MYL9: variants seen among roughly 807,000 people sequenced by gnomAD.
MYL9 encodes myosin light chain 9, also known as myosin regulatory light polypeptide 9.
MYL9 carries 7 observed loss-of-function variants against 12.8 expected under a neutral mutation model. That is an observed-to-expected ratio of 0.55 (90% confidence interval 0.31 to 1.03). The LOEUF is 1.03. MYL9 is among the 50% of genes least tolerant of loss of function. The probability of loss-of-function intolerance (pLI) is 0.05; values close to 1 mark genes in which losing one functional copy is unlikely to be tolerated. For missense variants in MYL9, 190 were observed against 242.7 expected, an observed-to-expected ratio of 0.78 and a Z score of 1.44; for synonymous variants, 81 against 87.8, an observed-to-expected ratio of 0.92 and a Z score of 0.43.
At position 36,544,897 on chromosome 20, in the gene MYL9, C is replaced by A; in HGVS notation, c.13C>A (p.Arg5=). 6.2e-7 allele frequency: 1 copy of A among 1,612,278 alleles called. No homozygotes were observed. The highest frequency in any genetic ancestry group is 8.5e-7 in the Non-Finnish European group (1 of 1,179,068). ...ACCAGAAGCCAAGATGTCCAGCAAG[C>A]GGGCCAAAGCCAAGACCACCAAGAA... The part of the protein sequence containing the change: MSSK[R]AKAKTTKKRP... Residue 5 remains arginine (R), a synonymous_variant, in exon 2 of 4, where the codon CGG becomes AGG. Transcript: ENST00000279022.
intron 2 of MYL9, among the ~76,000 whole-genome samples, chr20:36,546,184 C>T (rs2038097982): frequency 1.3e-5 from 2 of 152,244 alleles, no homozygotes; most frequent in Non-Finnish European, 2.9e-5. Context: ...GGCAAGGCCT[C>T]CACAGACCAT....
chr20:36,545,496 CA>C (rs577748904), intron 2 of MYL9, among the ~76,000 whole-genome samples: 873 of 75,330 alleles, frequency 0.012, 5 homozygotes, highest in African/African-American at 0.025. Context: ...GACTCCATCT[CA>C]AAAAAAAAAA....
chr20:36,543,134 C>G (rs1968063899), intron 1 of MYL9, among the ~76,000 whole-genome samples: 1 of 152,186 alleles, frequency 6.6e-6, no homozygotes, highest in Admixed American at 6.5e-5. Context: ...CATCTGGGGA[C>G]AATGGCACTC....
chr20:36,541,913 G>A (rs923215330), intron 1 of MYL9, among the ~76,000 whole-genome samples: 1 of 152,124 alleles, frequency 6.6e-6, no homozygotes, highest in East Asian at 1.9e-4. Context: ...CGGGTACAAG[G>A]GTGCTGGGGA....
In MYL9 at chr20:36,550,474, G is replaced by A. The variant is rs1344421758; in HGVS notation, c.*1225G>A. The A allele has an allele frequency of 6.6e-6, 1 of 152,364 alleles. No homozygotes were observed. The highest frequency in any genetic ancestry group is 1.5e-5 in the Non-Finnish European group (1 of 68,228). 9.4% of individuals were successfully genotyped at this position (152,364 alleles called of 1,614,324 possible). A position where few individuals can be genotyped will look rare whatever the true frequency, so the allele number is the denominator to read the frequency against. On this transcript the variant is annotated 3_prime_UTR_variant, in exon 4 of 4. Transcript: ENST00000279022. The stretch of plus-strand genomic sequence containing the variant: ...TGAGCAGAGAGTCCAGAGGGGCATG[G>A]ACTGCCTGGGTCACCCAATAGGCCT...
intron 1 of MYL9, among the ~76,000 whole-genome samples, chr20:36,544,290 A>C (rs1600745007): frequency 6.6e-6 from 1 of 152,154 alleles, no homozygotes; most frequent in East Asian, 1.9e-4. Context: ...CTAGAACCTC[A>C]GGCGGGCAGC....
chr20:36,545,428 C>T (rs1357721493), intron 2 of MYL9, among the ~76,000 whole-genome samples: 1 of 147,264 alleles, frequency 6.8e-6, no homozygotes, highest in Non-Finnish European at 1.5e-5. Flanking sequence ...ACCCGGAAAG[C>T]GGAGGTTGCA....
chr20:36,549,674 C>T lies in MYL9; in HGVS notation c.*425C>T, dbSNP rs1045348. The T allele has an allele frequency of 5.5e-6, 1 of 180,688 alleles. No individual in the cohort carries two copies. The highest frequency in any genetic ancestry group is 1.2e-5 in the Non-Finnish European group (1 of 84,518). 11.2% of individuals were successfully genotyped at this position (180,688 alleles called of 1,614,324 possible). A position where few individuals can be genotyped will look rare whatever the true frequency, so the allele number is the denominator to read the frequency against. On this transcript the variant is annotated 3_prime_UTR_variant, in exon 4 of 4. Coordinates refer to ENST00000279022, the MANE Select transcript of MYL9 (RefSeq NM_006097.5). ...AAATGCAAGCTCACCAAGGTCCCCT[C>T]TCAGTCCCCTTCCCTACACCCTGAC...
Position 36,548,202 on chromosome 20 carries a change from C to CG in MYL9, c.346+10dup. On this transcript the variant is annotated intron_variant, in intron 3 of 3. Coordinates refer to ENST00000279022, the MANE Select transcript of MYL9 (RefSeq NM_006097.5). ...CGACGAGGAAGCCTCAGGTCCGTGGCGCCCCCTACCACCACTCTGCATGCA... is the reference window on the plus strand; with the variant it reads ...CGACGAGGAAGCCTCAGGTCCGTGGCGGCCCCCTACCACCACTCTGCATGCA... 1 of 1,598,774 alleles carries CG rather than the reference C, an allele frequency of 6.3e-7. No homozygotes were observed. The highest frequency in any genetic ancestry group is 8.5e-7 in the Non-Finnish European group (1 of 1,170,734).
intron 2 of MYL9, among the ~76,000 whole-genome samples, chr20:36,546,771 G>A (rs185688107): frequency 5.8e-4 from 89 of 152,224 alleles, no homozygotes; most frequent in African/African-American, 1.7e-3. Flanking sequence ...CACCATGCCC[G>A]GCTAATTTTT....
At chr20:36,541,681 G>C (rs754083672) in intron 1 of MYL9, 120 bp downstream of exon 1, 1 of 152,592 alleles carries the variant, frequency 6.6e-6, no homozygotes, top group South Asian at 2.1e-4. Context: ...CACGGACTGG[G>C]ACGTGGTAGG....
chr20:36,548,027 C>A lies in MYL9; in HGVS notation c.185-5C>A. 6.2e-7 allele frequency: 1 copy of A among 1,600,738 alleles called. No homozygotes were observed. The highest frequency in any genetic ancestry group is 2.2e-5 in the East Asian group (1 of 44,572). Reference sequence around the variant, plus strand: ...CCACAGGCTGGAACACCCCACCTGCCACAGGGAAGAACCCCACAGACGAAT... The same window carrying A: ...CCACAGGCTGGAACACCCCACCTGCAACAGGGAAGAACCCCACAGACGAAT... On this transcript the variant is annotated splice_region_variant and splice_polypyrimidine_tract_variant and intron_variant, in intron 2 of 3. Coordinates refer to ENST00000279022, the MANE Select transcript of MYL9 (RefSeq NM_006097.5).
Position 36,548,018 on chromosome 20 carries a change from C to T in MYL9, c.185-14C>T. On this transcript the variant is annotated splice_polypyrimidine_tract_variant and intron_variant, in intron 2 of 3. Coordinates refer to ENST00000279022, the MANE Select transcript of MYL9 (RefSeq NM_006097.5). The stretch of plus-strand genomic sequence containing the variant: ...GGCCCAGGACCACAGGCTGGAACAC[C>T]CCACCTGCCACAGGGAAGAACCCCA... 2 of 1,595,222 alleles carry T rather than the reference C, an allele frequency of 1.3e-6. No individual in the cohort carries two copies. The highest frequency in any genetic ancestry group is 1.7e-6 in the Non-Finnish European group (2 of 1,168,600).
At position 36,549,313 on chromosome 20, in the gene MYL9, T is replaced by C. The variant is rs1259482022; in HGVS notation, c.*64T>C. The C allele has an allele frequency of 8.0e-6, 10 of 1,244,686 alleles. No individual in the cohort carries two copies. In the East Asian group the frequency reaches 2.9e-4, roughly 36 times the overall value. 77.1% of individuals were successfully genotyped at this position (1,244,686 alleles called of 1,614,324 possible). A position where few individuals can be genotyped will look rare whatever the true frequency, so the allele number is the denominator to read the frequency against. Reference sequence around the variant, plus strand: ...ACCCCTCCCCGCACACACCCGTCCATACCAGCTCCCTGCCCATGACCCTCG... The same window carrying C: ...ACCCCTCCCCGCACACACCCGTCCACACCAGCTCCCTGCCCATGACCCTCG... On this transcript the variant is annotated 3_prime_UTR_variant, in exon 4 of 4. Coordinates refer to ENST00000279022, the MANE Select transcript of MYL9 (RefSeq NM_006097.5).
chr20:36,543,152 G>A (rs539228607), intron 1 of MYL9, among the ~76,000 whole-genome samples: 6 of 152,216 alleles, frequency 3.9e-5, no homozygotes, highest in African/African-American at 1.2e-4. Context: ...CTCCCAACTA[G>A]GTCATGGGTG....
In MYL9 at chr20:36,548,053, A is replaced by T. The variant is rs1437034604; in HGVS notation, c.206A>T (p.Tyr69Phe). The T allele has an allele frequency of 6.2e-7, 1 of 1,612,244 alleles. No homozygotes were observed. The highest frequency in any genetic ancestry group is 8.5e-7 in the Non-Finnish European group (1 of 1,178,988). ...ASLGKNPTDE[Y>F]LEGMMSEAPG... is the part of the protein sequence containing the mutation. Reference sequence around the variant, plus strand: ...ACAGGGAAGAACCCCACAGACGAATACCTGGAGGGCATGATGAGCGAGGCC... The same window carrying T: ...ACAGGGAAGAACCCCACAGACGAATTCCTGGAGGGCATGATGAGCGAGGCC... Residue 69 changes from tyrosine to phenylalanine, a missense_variant, in exon 3 of 4, where the codon TAC becomes TTC. Coordinates refer to ENST00000279022, the MANE Select transcript of MYL9 (RefSeq NM_006097.5).
chr20:36,542,547 C>T (rs1002539911), intron 1 of MYL9, among the ~76,000 whole-genome samples: 3 of 152,146 alleles, frequency 2.0e-5, no homozygotes, highest in East Asian at 3.9e-4. Context: ...TTCTAGAAGG[C>T]GCCTCTGGAT....
chr20:36,545,003 T>C lies in MYL9; in HGVS notation c.119T>C (p.Met40Thr), dbSNP rs1195135969. The C allele has an allele frequency of 1.2e-6, 2 of 1,613,906 alleles. No homozygotes were observed. Among genetic ancestry groups the C allele is most frequent in the African/African-American group, 2.7e-5 (2 of 74,878 alleles). ...QIQEFKEAFNMIDQNRDGFID... is the reference protein window; with the variant it reads ...QIQEFKEAFNTIDQNRDGFID... ...CAGGAGTTTAAGGAGGCTTTCAACA[T>C]GATTGACCAGAACCGTGATGGCTTC... Residue 40 changes from methionine to threonine, a missense_variant, in exon 2 of 4, where the codon ATG (methionine) becomes ACG (threonine). Met to Thr is a moderately conservative substitution (Grantham distance 81, BLOSUM62 -1). Coordinates refer to ENST00000279022, the MANE Select transcript of MYL9 (RefSeq NM_006097.5).
chr20:36,545,669 G>A (rs1034092339), intron 2 of MYL9, among the ~76,000 whole-genome samples: 3 of 151,812 alleles, frequency 2.0e-5, no homozygotes, highest in Non-Finnish European at 4.4e-5. Context: ...TGTGGCTCAC[G>A]CCTGTAATCC....
Sources: allele counts gnomAD v4.1 joint callset (sites outside exome capture counted in the v4.1 genomes callset), GRCh38; gene constraint gnomAD v4.1.1; transcripts MANE v1.5; gene names NCBI Gene and HGNC (gene_info 2026-07-23, HGNC 2026-07-21).